CPEB3: variants seen among roughly 807,000 people sequenced by gnomAD.
CPEB3 encodes the protein cytoplasmic polyadenylation element-binding protein 3.
Under a neutral mutation model 67.2 loss-of-function variants are expected in CPEB3, and 20 were observed. The observed-to-expected ratio is 0.30, with a 90% CI of 0.21 to 0.43. CPEB3 has a LOEUF of 0.43. CPEB3 is among the 20% of genes least tolerant of loss of function. The pLI, the probability that CPEB3 is intolerant of heterozygous loss-of-function variation, is 1.00. For synonymous variants in CPEB3, 376 were observed against 393.1 expected (o/e 0.96, Z 0.51); for missense variants, 746 against 968.6 (o/e 0.77, Z 3.05).
At chr10:92,217,238 T>C (rs1350784183) in intron 2 of CPEB3, among the ~76,000 whole-genome samples, 1 of 116,772 alleles carries the variant, frequency 8.6e-6, no homozygotes, top group South Asian at 2.4e-4. Flanking sequence ...AAAAAAATTA[T>C]ATATATATAT....
At chr10:92,236,431 G>A (rs1851534467) in intron 2 of CPEB3, among the ~76,000 whole-genome samples, 1 of 152,158 alleles carries the variant, frequency 6.6e-6, no homozygotes, top group Non-Finnish European at 1.5e-5. Context: ...AAGTATTATA[G>A]TTTGTAAAAC....
chr10:92,075,492 T>C (rs1385122790), intron 9 of CPEB3, among the ~76,000 whole-genome samples: 4 of 152,112 alleles, frequency 2.6e-5, no homozygotes, highest in Non-Finnish European at 4.4e-5. Flanking sequence ...TATGTAAATA[T>C]ACGAAAAAAC....
chr10:92,276,304 G>T, intron 1 of CPEB3, among the ~76,000 whole-genome samples: 1 of 122,776 alleles, frequency 8.1e-6, no homozygotes. Flanking sequence ...TTGAGATGGA[G>T]TTTTGCTCTT....
chr10:92,147,262 C>A (rs1295435480), intron 4 of CPEB3, among the ~76,000 whole-genome samples: 1 of 152,082 alleles, frequency 6.6e-6, no homozygotes, highest in Admixed American at 6.5e-5. Flanking sequence ...TCAAGACCAG[C>A]CTGGGAAACA....
chr10:92,211,861 G>C (rs1453830825), intron 2 of CPEB3, among the ~76,000 whole-genome samples: 1 of 149,780 alleles, frequency 6.7e-6, no homozygotes, highest in East Asian at 2.0e-4. Context: ...TATGTTCTAA[G>C]ATCATATATC....
chr10:92,194,536 T>G (rs1849138316), intron 2 of CPEB3, among the ~76,000 whole-genome samples: 1 of 152,144 alleles, frequency 6.6e-6, no homozygotes, highest in Admixed American at 6.5e-5. Context: ...AAAATTACCT[T>G]TTGAAAAGCA....
At chr10:92,135,850 T>C (rs1466379188) in intron 6 of CPEB3, among the ~76,000 whole-genome samples, 3 of 152,206 alleles carry the variant, frequency 2.0e-5, no homozygotes, top group Admixed American at 6.5e-5. Flanking sequence ...GATGAGTTCA[T>C]GTCCTTTGTA....
At chr10:92,190,700 A>G (rs1487849587) in intron 3 of CPEB3, among the ~76,000 whole-genome samples, 1 of 148,554 alleles carries the variant, frequency 6.7e-6, no homozygotes, top group African/African-American at 2.5e-5. Context: ...AAAAAAAAAA[A>G]AAGGAGGAGG....
intron 7 of CPEB3, among the ~76,000 whole-genome samples, chr10:92,094,794 A>AC (rs1312837205): frequency 6.7e-6 from 1 of 148,532 alleles, no homozygotes; most frequent in Non-Finnish European, 1.5e-5. Flanking sequence ...CACTGTGAGA[A>AC]CAAAGATTCT....
chr10:92,239,680 G>C lies in CPEB3; in HGVS notation c.671C>G (p.Ser224Trp). 6.4e-7 allele frequency: 1 copy of C among 1,569,764 alleles called. No homozygotes were observed. Among genetic ancestry groups the C allele is most frequent in the Non-Finnish European group, 8.6e-7 (1 of 1,161,074 alleles). ...PIMTSKPSSS[S>W]AVAAAAAAAA... ...TGCGGCAGCAGCGGCTGCAACCGCCGAAGACGAGGACGGCTTGCTGGTCAT... is the reference window on the plus strand; with the variant it reads ...TGCGGCAGCAGCGGCTGCAACCGCCCAAGACGAGGACGGCTTGCTGGTCAT... Residue 224 changes from serine to tryptophan, a missense_variant, in exon 2 of 10, where the codon TCG (serine) becomes TGG (tryptophan). Transcript: ENST00000265997. The surrounding 1 kb of genome is among the most constrained non-coding windows in gnomAD (Gnocchi z 6.0).
At chr10:92,279,181 T>C (rs893708694) in intron 1 of CPEB3, among the ~76,000 whole-genome samples, 3 of 152,172 alleles carry the variant, frequency 2.0e-5, no homozygotes. Context: ...GATTTTTTTG[T>C]AGATGCACTT....
intron 6 of CPEB3, among the ~76,000 whole-genome samples, chr10:92,131,953 CT>C (rs1227268354): frequency 6.6e-6 from 1 of 152,110 alleles, no homozygotes; most frequent in Non-Finnish European, 1.5e-5. Flanking sequence ...TTTCCAGTAT[CT>C]GTATTTTAAA....
chr10:92,145,046 G>A lies in CPEB3; in HGVS notation c.1262C>T (p.Ser421Leu), dbSNP rs1290417245. 1 of 1,613,940 alleles carries A rather than the reference G, an allele frequency of 6.2e-7. No homozygotes were observed. Among genetic ancestry groups the A allele is most frequent in the East Asian group, 2.2e-5 (1 of 44,876 alleles). ...LDDSHGDQAL[S>L]SGLSSPTRCQ... Reference sequence around the variant, plus strand: ...GCGAGTGGGAGAACTTAAGCCAGATGACAAGGCTTGATCACCATGGCTATC... The same window carrying A: ...GCGAGTGGGAGAACTTAAGCCAGATAACAAGGCTTGATCACCATGGCTATC... Residue 421 changes from serine to leucine, a missense_variant, in exon 5 of 10, where the codon TCA becomes TTA. Coordinates refer to ENST00000265997, the MANE Select transcript of CPEB3 (RefSeq NM_014912.5).
At chr10:92,194,200 G>A (rs1239718971) in intron 2 of CPEB3, among the ~76,000 whole-genome samples, 1 of 151,828 alleles carries the variant, frequency 6.6e-6, no homozygotes, top group Non-Finnish European at 1.5e-5. Flanking sequence ...CCAGTACTTT[G>A]GGAGGCCGAG....
chr10:92,076,658 C>A (rs1028361064), intron 9 of CPEB3, among the ~76,000 whole-genome samples: 1 of 152,152 alleles, frequency 6.6e-6, no homozygotes, highest in African/African-American at 2.4e-5. Flanking sequence ...AAGTGCTCCT[C>A]CCACTTTGGC....
chr10:92,199,053 T>A (rs1045548516), intron 2 of CPEB3, among the ~76,000 whole-genome samples: 1 of 152,200 alleles, frequency 6.6e-6, no homozygotes, highest in Admixed American at 6.5e-5. Flanking sequence ...CTGCAACATA[T>A]ACATGGATAA....
At chr10:92,247,380 ATTATT>A (rs965825488) in intron 1 of CPEB3, among the ~76,000 whole-genome samples, 13 of 151,584 alleles carry the variant, frequency 8.6e-5, no homozygotes, top group Admixed American at 7.2e-4. Flanking sequence ...ACCAAGCCTA[ATTATT>A]TTATTTTATT....
At chr10:92,146,401 GA>G (rs1323895665) in intron 4 of CPEB3, among the ~76,000 whole-genome samples, 1 of 150,524 alleles carries the variant, frequency 6.6e-6, no homozygotes, top group Non-Finnish European at 1.5e-5. Flanking sequence ...ACTTTTGGGG[GA>G]AAAAAGGAAA....
At chr10:92,228,467 T>C (rs1473527465) in intron 2 of CPEB3, among the ~76,000 whole-genome samples, 1 of 152,144 alleles carries the variant, frequency 6.6e-6, no homozygotes, top group Admixed American at 6.6e-5. Flanking sequence ...AGTTGCTGCT[T>C]ATCTGAAACC....
Sources: allele counts gnomAD v4.1 joint callset (sites outside exome capture counted in the v4.1 genomes callset), GRCh38; gene constraint gnomAD v4.1.1; non-coding constraint Gnocchi (gnomAD v3.1); transcripts MANE v1.5; gene names NCBI Gene and HGNC (gene_info 2026-07-23, HGNC 2026-07-21).